The following SPDYE3 variants were observed in gnomAD, a reference collection of about 807,000 sequenced individuals.
SPDYE3 encodes speedy protein E3.
Under a neutral mutation model 55.0 loss-of-function variants are expected in SPDYE3, and 15 were observed. The ratio of observed to expected loss-of-function variants is 0.27; its 90% confidence interval spans 0.18 to 0.42. The LOEUF (loss-of-function observed/expected upper bound fraction) is 0.42, where lower values mean the gene tolerates loss of function less well. SPDYE3 is among the 10% of genes least tolerant of loss of function. The pLI, the probability that SPDYE3 is intolerant of heterozygous loss-of-function variation, is 1.00. For synonymous variants in SPDYE3, 89 were observed against 229.9 expected (o/e 0.39, Z 5.55); for missense variants, 236 against 576.7 (o/e 0.41, Z 6.05).
chr7:100,312,535 G>A (rs1173403885), intron 4 of SPDYE3, among the ~76,000 whole-genome samples: 5 of 137,400 alleles, frequency 3.6e-5, no homozygotes, highest in African/African-American at 1.3e-4. Flanking sequence ...AAAAAAGAAG[G>A]GTCAGAGGTC....
chr7:100,312,491 T>C (rs1313059994), intron 4 of SPDYE3, among the ~76,000 whole-genome samples: 2 of 99,306 alleles, frequency 2.0e-5, no homozygotes, highest in Non-Finnish European at 4.1e-5. Flanking sequence ...AGTGAGACGC[T>C]GTCTCAAAAA....
At chr7:100,315,172 G>A (rs1348160206) in intron 6 of SPDYE3, among the ~76,000 whole-genome samples, 8 of 152,020 alleles carry the variant, frequency 5.3e-5, no homozygotes, top group Non-Finnish European at 8.8e-5. Context: ...CCAGCTACTC[G>A]GGAGGCTGAG....
At chr7:100,313,044 G>A (rs1806001326) in intron 4 of SPDYE3, 96 bp from the exon 5 acceptor site, 3 of 547,500 alleles carry the variant, frequency 5.5e-6, no homozygotes, top group South Asian at 2.1e-5. Context: ...CAGTCTGCGA[G>A]GCTGGGGAGG....
At chr7:100,318,457 A>G (rs2129976512) in intron 8 of SPDYE3, among the ~76,000 whole-genome samples, 1 of 152,152 alleles carries the variant, frequency 6.6e-6, no homozygotes, top group Middle Eastern at 3.4e-3. Flanking sequence ...AATGCCCTCC[A>G]CTTGACTTTG....
rs1350843587 is a variant in SPDYE3 at position 100,321,906 on chromosome 7, T to G, written c.*1061T>G. 6.7e-6 allele frequency: 1 copy of G among 149,216 alleles called. No homozygotes were observed. Among genetic ancestry groups the G allele is most frequent in the African/African-American group, 2.4e-5 (1 of 41,016 alleles). 9.2% of individuals were successfully genotyped at this position (149,216 alleles called of 1,614,324 possible). On this transcript the variant is annotated 3_prime_UTR_variant, in exon 11 of 11. Transcript: ENST00000332397. ...AAATGTTATTACTTTAAATATTATT[T>G]TAAATATTTTGGAAATACTGGTATT...
At chr7:100,312,807 T>C (rs1221415893) in intron 4 of SPDYE3, among the ~76,000 whole-genome samples, 2 of 137,342 alleles carry the variant, frequency 1.5e-5, no homozygotes, top group African/African-American at 5.4e-5. Flanking sequence ...ATCCGGGAGA[T>C]AGATGTTGCA....
At chr7:100,318,511 G>T (rs1233321191) in intron 8 of SPDYE3, among the ~76,000 whole-genome samples, 1 of 152,110 alleles carries the variant, frequency 6.6e-6, no homozygotes, top group Admixed American at 6.6e-5. Context: ...ATGTGGTTCT[G>T]AAGGGAAGCA....
rs985904739 is a variant in SPDYE3, at chr7:100,313,049, G to A, written c.764-91G>A. The A allele has an allele frequency of 5.5e-6, 3 of 547,288 alleles. No individual in the cohort carries two copies. In the African/African-American group the frequency reaches 6.0e-5, roughly 11 times the overall value. The allele number at this position is 547,288 out of a possible 1,614,324, so 33.9% of individuals were successfully genotyped here. ...GAGAAGCCAGCAGTCTGCGAGGCTGGGGAGGATGGAGAGTGGTTTGGGGTT... is the reference window on the plus strand; with the variant it reads ...GAGAAGCCAGCAGTCTGCGAGGCTGAGGAGGATGGAGAGTGGTTTGGGGTT... On this transcript the variant is annotated intron_variant, in intron 4 of 10. Transcript: ENST00000332397.
intron 8 of SPDYE3, among the ~76,000 whole-genome samples, chr7:100,317,541 G>C (rs940944175): frequency 7.3e-5 from 11 of 151,564 alleles, no homozygotes; most frequent in Admixed American, 2.0e-4. Context: ...GGAGGTGGAG[G>C]TTGCAGTAAG....
chr7:100,319,171 A>G (rs1789514036), intron 8 of SPDYE3, among the ~76,000 whole-genome samples: 1 of 152,126 alleles, frequency 6.6e-6, no homozygotes, highest in South Asian at 2.1e-4. Flanking sequence ...TCAGCCTTCC[A>G]AAGTGCTGGG....
intron 4 of SPDYE3, among the ~76,000 whole-genome samples, chr7:100,312,820 C>G (rs575839141): frequency 0.12 from 15,586 of 132,408 alleles, 1,126 homozygotes; most frequent in Non-Finnish European, 0.16. Flanking sequence ...ATGTTGCAGT[C>G]AGCTGAGATT....
chr7:100,320,075 G>T (rs1160579958), intron 10 of SPDYE3, 40 bp downstream of exon 10: 2 of 1,582,360 alleles, frequency 1.3e-6, no homozygotes, highest in South Asian at 1.1e-5. Flanking sequence ...GAATATTGGG[G>T]TCTATTTCGG....
In SPDYE3 at chr7:100,308,236, C is replaced by T. The variant is rs561499243; in HGVS notation, c.106+245C>T. On this transcript the variant is annotated intron_variant, in intron 1 of 10. Coordinates refer to ENST00000332397, the MANE Select transcript of SPDYE3 (RefSeq NM_001004351.5). Reference sequence around the variant, plus strand: ...ATCCCAGCTACTCGGGAGGCTGAGACAGGAGAATCGCTTGAGCCTGGGAGG... The same window carrying T: ...ATCCCAGCTACTCGGGAGGCTGAGATAGGAGAATCGCTTGAGCCTGGGAGG... Among the ~76,000 whole-genome samples the T allele has an allele frequency of 4.2e-3, 613 of 147,630 alleles. 7 individuals carry two copies. Among genetic ancestry groups the T allele is most frequent in the Middle Eastern group, 0.033 (9 of 274 alleles).
At chr7:100,319,431 G>A in intron 8 of SPDYE3, 134 bp from the exon 9 acceptor site, 1 of 1,465,768 alleles carries the variant, frequency 6.8e-7, no homozygotes, top group Non-Finnish European at 9.2e-7. Context: ...TCCTGAGGAA[G>A]GCGTGGCTCT....
At position 100,320,004 on chromosome 7, in the gene SPDYE3, G is replaced by A. The variant is rs760527204; in HGVS notation, c.*14G>A. The A allele has an allele frequency of 8.5e-5, 136 of 1,607,738 alleles. 3 individuals carry two copies. Among genetic ancestry groups the A allele is most frequent in the African/African-American group, 8.4e-4 (63 of 74,898 alleles). ...CACCTTTCCTAGAGCTCCAGGGACC[G>A]TGGAGGCCTGAGGTCATCGGCCTGA... On this transcript the variant is annotated 3_prime_UTR_variant, in exon 10 of 11. Transcript: ENST00000332397.
intron 7 of SPDYE3, among the ~76,000 whole-genome samples, chr7:100,316,334 C>A (rs1334044007): frequency 2.6e-5 from 4 of 152,168 alleles, no homozygotes; most frequent in Non-Finnish European, 5.9e-5. Context: ...TCCAGCTCTG[C>A]TCCCCAGGAT....
At chr7:100,320,173 C>T in intron 10 of SPDYE3, 138 bp downstream of exon 10, 2 of 1,481,730 alleles carry the variant, frequency 1.3e-6, no homozygotes, top group Admixed American at 2.2e-5. Context: ...CAAAAATTAG[C>T]CAGGCGATGT....
chr7:100,308,135 G>T (rs1180218297), intron 1 of SPDYE3, 144 bp downstream of exon 1: 22 of 1,121,880 alleles, frequency 2.0e-5, no homozygotes, highest in Non-Finnish European at 2.6e-5. Flanking sequence ...TTCAAGACCA[G>T]CCTGGCCAAC....
At chr7:100,318,750 T>C (rs1789505544) in intron 8 of SPDYE3, among the ~76,000 whole-genome samples, 1 of 149,280 alleles carries the variant, frequency 6.7e-6, no homozygotes, top group Admixed American at 6.7e-5. Context: ...TGAGACAGAC[T>C]TGCCCTGTCC....
Sources: gnomAD v4.1 joint callset for allele counts (sites outside exome capture counted in the v4.1 genomes callset) on GRCh38, gnomAD v4.1.1 for gene constraint, MANE v1.5 for transcripts, NCBI Gene and HGNC (gene_info 2026-07-23, HGNC 2026-07-21) for gene names.